GPC5: variants seen among roughly 807,000 people sequenced by gnomAD.
GPC5 encodes the protein glypican-5.
A neutral mutation model predicts 53.9 loss-of-function variants in GPC5; 47 were observed. The ratio of observed to expected loss-of-function variants is 0.87; its 90% CI spans 0.69 to 1.11. GPC5 has a LOEUF of 1.11. Ranked by LOEUF, GPC5 falls within the 50% of genes most tolerant of loss-of-function variation. The probability of loss-of-function intolerance (pLI) is 0.00; values close to 1 mark genes in which losing one functional copy is unlikely to be tolerated. For synonymous variants in GPC5, 286 were observed against 263.3 expected, an observed-to-expected ratio of 1.09 and a Z score of -0.84; for missense variants, 748 against 713.1, an observed-to-expected ratio of 1.05 and a Z score of -0.56.
chr13:91,546,625 A>C (rs1396679466), intron 2 of GPC5, among the ~76,000 whole-genome samples: 2 of 152,068 alleles, frequency 1.3e-5, no homozygotes, highest in Non-Finnish European at 2.9e-5. Flanking sequence ...TTTGTGTTTT[A>C]GAAATATTTT....
At chr13:91,993,398 C>CT (rs2040474949) in intron 6 of GPC5, among the ~76,000 whole-genome samples, 1 of 151,312 alleles carries the variant, frequency 6.6e-6, no homozygotes, top group African/African-American at 2.4e-5. Flanking sequence ...AATTATGGTT[C>CT]TTTTTTTGGT....
intron 7 of GPC5, among the ~76,000 whole-genome samples, chr13:92,481,058 C>A (rs1566609381): frequency 2.0e-5 from 3 of 152,062 alleles, no homozygotes; most frequent in South Asian, 2.1e-4. Context: ...CTACTTCAGG[C>A]TTCTGACCTC....
In GPC5 at chr13:92,069,629, A is replaced by T. The variant is rs145614949; in HGVS notation, c.1402-75201A>T. On this transcript the variant is annotated intron_variant, in intron 6 of 7. Transcript: ENST00000377067. ...CTATTGAACATGCCATAGAATATTA[A>T]CTTTGTAAACTGACTTGGAGTCTCC... 1.9e-4 allele frequency among the ~76,000 whole-genome samples: 29 copies of T among 152,228 alleles called. 1 individual carries two copies. In the East Asian group the frequency reaches 5.4e-3, roughly 28 times the overall value.
chr13:91,522,024 G>A, intron 2 of GPC5, among the ~76,000 whole-genome samples: 1 of 152,254 alleles, frequency 6.6e-6, no homozygotes, highest in Non-Finnish European at 1.5e-5. Context: ...ATAAGGCTGG[G>A]TATGGAGGAA....
At chr13:92,680,041 G>T (rs1028679162) in intron 7 of GPC5, among the ~76,000 whole-genome samples, 1 of 152,112 alleles carries the variant, frequency 6.6e-6, no homozygotes, top group African/African-American at 2.4e-5. Context: ...TGTTCATGTT[G>T]TTCTAGGGCT....
chr13:92,796,498 A>G (rs2138781771), intron 7 of GPC5, among the ~76,000 whole-genome samples: 1 of 152,094 alleles, frequency 6.6e-6, no homozygotes, highest in African/African-American at 2.4e-5. Flanking sequence ...CTAAAACTTA[A>G]AGTGTAATTT....
intron 6 of GPC5, among the ~76,000 whole-genome samples, chr13:92,059,120 G>A (rs2041100662): frequency 1.3e-5 from 2 of 152,140 alleles, no homozygotes; most frequent in South Asian, 4.1e-4. Context: ...TTCCTGTGCA[G>A]ATTTAGGGAG....
intron 7 of GPC5, among the ~76,000 whole-genome samples, chr13:92,499,954 C>T (rs1424046957): frequency 1.3e-5 from 2 of 152,144 alleles, no homozygotes; most frequent in African/African-American, 2.4e-5. Context: ...GAACAGAATG[C>T]ATAGAGCATC....
chr13:92,430,828 T>G (rs1877052128), intron 7 of GPC5, among the ~76,000 whole-genome samples: 1 of 152,012 alleles, frequency 6.6e-6, no homozygotes, highest in Non-Finnish European at 1.5e-5. Context: ...TAAACCTCAT[T>G]AAGCTTGCAA....
At chr13:92,655,004 C>A (rs1411672706) in intron 7 of GPC5, among the ~76,000 whole-genome samples, 5 of 152,108 alleles carry the variant, frequency 3.3e-5, no homozygotes, top group Non-Finnish European at 7.4e-5. Context: ...ATTAGGTTGC[C>A]ACTGGCAAGA....
chr13:91,649,786 G>A (rs1463953609), intron 2 of GPC5, among the ~76,000 whole-genome samples: 1 of 152,088 alleles, frequency 6.6e-6, no homozygotes, highest in African/African-American at 2.4e-5. Context: ...ATGCATTTTA[G>A]TATACTCCAC....
At chr13:91,642,227 T>C (rs928518324) in intron 2 of GPC5, among the ~76,000 whole-genome samples, 5 of 152,216 alleles carry the variant, frequency 3.3e-5, no homozygotes, top group African/African-American at 1.2e-4. Context: ...TAAATATACA[T>C]TTTCTTAAAA....
At chr13:91,933,678 T>C (rs780208222) in intron 6 of GPC5, among the ~76,000 whole-genome samples, 36 of 151,926 alleles carry the variant, frequency 2.4e-4, no homozygotes, top group Non-Finnish European at 4.4e-4. Flanking sequence ...TTTCATTGTT[T>C]GCACACTATA....
At chr13:92,554,941 G>GT (rs71123412) in intron 7 of GPC5, among the ~76,000 whole-genome samples, 36 of 148,100 alleles carry the variant, frequency 2.4e-4, no homozygotes, top group East Asian at 6.0e-4. Context: ...TTTTGAGTTT[G>GT]TTTTTTTTTT....
chr13:92,774,476 C>T (rs1293493900), intron 7 of GPC5, among the ~76,000 whole-genome samples: 1 of 152,164 alleles, frequency 6.6e-6, no homozygotes, highest in Admixed American at 6.5e-5. Flanking sequence ...TTCCTACCCT[C>T]CTGGAGCTTG....
intron 3 of GPC5, among the ~76,000 whole-genome samples, chr13:91,722,981 A>C (rs1424167156): frequency 6.6e-6 from 1 of 152,132 alleles, no homozygotes; most frequent in Non-Finnish European, 1.5e-5. Context: ...ACTTCCTATA[A>C]ATATTCCTTG....
chr13:91,861,719 T>G (rs1470796082), intron 5 of GPC5, among the ~76,000 whole-genome samples: 4 of 147,966 alleles, frequency 2.7e-5, no homozygotes, highest in Non-Finnish European at 6.0e-5. Context: ...AAATAAAACA[T>G]GTTGCTACTT....
chr13:92,404,806 G>C (rs1317396726), intron 7 of GPC5, among the ~76,000 whole-genome samples: 1 of 149,404 alleles, frequency 6.7e-6, no homozygotes, highest in Non-Finnish European at 1.5e-5. Context: ...GTGTTTAATA[G>C]GGATAAATAT....
intron 2 of GPC5, among the ~76,000 whole-genome samples, chr13:91,623,481 C>T (rs529426517): frequency 6.6e-6 from 1 of 152,152 alleles, no homozygotes; most frequent in Admixed American, 6.5e-5. Context: ...CTCAGAAGCA[C>T]AGCAGAGAGT....
Sources: allele counts gnomAD v4.1 joint callset (sites outside exome capture counted in the v4.1 genomes callset), GRCh38; gene constraint gnomAD v4.1.1; transcripts MANE v1.5; gene names NCBI Gene and HGNC (gene_info 2026-07-23, HGNC 2026-07-21).